Variants in UNC5D observed in about 807,000 individuals in gnomAD.
UNC5D encodes the protein unc-5 netrin receptor D, also known as netrin receptor UNC5D.
A neutral mutation model predicts 105.4 loss-of-function variants in UNC5D; 39 were observed. That is an observed-to-expected ratio of 0.37 (90% CI 0.29 to 0.48). UNC5D has a LOEUF of 0.48. Ranked by LOEUF, UNC5D falls within the 20% of genes least tolerant of loss-of-function variation. UNC5D has a pLI of 0.98. For missense variants in UNC5D, 991 were observed against 1,202.4 expected (o/e 0.82, Z 2.60); for synonymous variants, 452 against 450.4 (o/e 1.00, Z -0.04).
At chr8:35,544,829 C>T (rs1264683071) in intron 1 of UNC5D, among the ~76,000 whole-genome samples, 1 of 152,134 alleles carries the variant, frequency 6.6e-6, no homozygotes, top group East Asian at 1.9e-4. Context: ...TCTCAAACTC[C>T]TGACCTCAGG....
intron 1 of UNC5D, among the ~76,000 whole-genome samples, chr8:35,304,753 C>T (rs758715947): frequency 6.6e-6 from 1 of 152,118 alleles, no homozygotes; most frequent in Non-Finnish European, 1.5e-5. Flanking sequence ...TAATTGTTCT[C>T]TCTCTGAACT....
At chr8:35,782,616 G>T (rs1802555034) in intron 16 of UNC5D, among the ~76,000 whole-genome samples, 1 of 150,252 alleles carries the variant, frequency 6.7e-6, no homozygotes, top group Non-Finnish European at 1.5e-5. Flanking sequence ...CAATTCTCCT[G>T]CCTCAGCCTC....
At chr8:35,480,334 A>G (rs1209467802) in intron 1 of UNC5D, among the ~76,000 whole-genome samples, 3 of 152,172 alleles carry the variant, frequency 2.0e-5, no homozygotes, top group Non-Finnish European at 4.4e-5. Context: ...ACTAAACAAA[A>G]CAACCATGAT....
chr8:35,586,941 A>G (rs966907479), intron 3 of UNC5D, among the ~76,000 whole-genome samples: 1 of 152,226 alleles, frequency 6.6e-6, no homozygotes, highest in South Asian at 2.1e-4. Flanking sequence ...TGACTTTTCT[A>G]ACATAGTAGC....
chr8:35,300,323 C>G (rs1233631343), intron 1 of UNC5D, among the ~76,000 whole-genome samples: 1 of 151,718 alleles, frequency 6.6e-6, no homozygotes, highest in East Asian at 1.9e-4. Context: ...TGGCACGTGC[C>G]TGTAGTTCCA....
chr8:35,430,337 A>C (rs1386087527), intron 1 of UNC5D, among the ~76,000 whole-genome samples: 7 of 152,134 alleles, frequency 4.6e-5, no homozygotes. Flanking sequence ...CTGAGAGGGC[A>C]TGGAAACTCC....
intron 4 of UNC5D, among the ~76,000 whole-genome samples, chr8:35,619,053 T>C (rs1225043006): frequency 2.0e-5 from 3 of 152,218 alleles, no homozygotes; most frequent in African/African-American, 7.2e-5. Context: ...AAATGCTTTC[T>C]TTGCCTCGGA....
intron 16 of UNC5D, among the ~76,000 whole-genome samples, chr8:35,783,177 T>C (rs1011146524): frequency 6.6e-5 from 10 of 151,786 alleles, no homozygotes; most frequent in African/African-American, 2.2e-4. Context: ...CATATGTAAG[T>C]AATGTAAGTA....
At chr8:35,575,148 G>A (rs771763837) in intron 3 of UNC5D, among the ~76,000 whole-genome samples, 6 of 151,910 alleles carry the variant, frequency 3.9e-5, no homozygotes, top group South Asian at 2.1e-4. Context: ...AAAATACCCC[G>A]AATGATAGTT....
At chr8:35,490,848 G>A (rs1480631709) in intron 1 of UNC5D, among the ~76,000 whole-genome samples, 1 of 152,024 alleles carries the variant, frequency 6.6e-6, no homozygotes, top group Admixed American at 6.6e-5. Flanking sequence ...GACCTATCAG[G>A]AATAGTTTTT....
chr8:35,528,398 AG>A (rs1049412472), intron 1 of UNC5D, among the ~76,000 whole-genome samples: 38 of 151,020 alleles, frequency 2.5e-4, no homozygotes, highest in African/African-American at 9.3e-4. Context: ...ATGGCTGCAT[AG>A]TACTCTGTGG....
intron 1 of UNC5D, among the ~76,000 whole-genome samples, chr8:35,497,766 C>T (rs1811697962): frequency 6.6e-6 from 1 of 151,664 alleles, no homozygotes; most frequent in South Asian, 2.1e-4. Context: ...AAAAGGGTGT[C>T]CATTGAGATA....
chr8:35,713,185 C>G (rs1828060561), intron 8 of UNC5D, among the ~76,000 whole-genome samples: 1 of 152,086 alleles, frequency 6.6e-6, no homozygotes, highest in Non-Finnish European at 1.5e-5. Flanking sequence ...TTAAATACCT[C>G]AGACATAAGC....
At chr8:35,354,712 A>C (rs1801452081) in intron 1 of UNC5D, among the ~76,000 whole-genome samples, 1 of 151,896 alleles carries the variant, frequency 6.6e-6, no homozygotes, top group South Asian at 2.1e-4. Context: ...GCATTAAAAA[A>C]CTCAAAACCT....
intron 7 of UNC5D, among the ~76,000 whole-genome samples, chr8:35,694,797 C>T (rs1826643298): frequency 6.6e-6 from 1 of 152,000 alleles, no homozygotes; most frequent in Non-Finnish European, 1.5e-5. Flanking sequence ...CTTACTGCAG[C>T]CTCAAACTCC....
chr8:35,769,925 T>C (rs1200853257), intron 15 of UNC5D, among the ~76,000 whole-genome samples: 1 of 152,142 alleles, frequency 6.6e-6, no homozygotes, highest in Admixed American at 6.6e-5. Context: ...ATCACACCAC[T>C]GCACTCCAGC....
chr8:35,391,904 C>T (rs1803802959), intron 1 of UNC5D, among the ~76,000 whole-genome samples: 1 of 152,136 alleles, frequency 6.6e-6, no homozygotes, highest in African/African-American at 2.4e-5. Flanking sequence ...CAAACATTTT[C>T]TTTTTGCTTA....
At chr8:35,487,839 A>G (rs1313822779) in intron 1 of UNC5D, among the ~76,000 whole-genome samples, 1 of 152,202 alleles carries the variant, frequency 6.6e-6, no homozygotes, top group Non-Finnish European at 1.5e-5. Flanking sequence ...AATGAGGAAC[A>G]TCATAGTGGA....
In UNC5D at chr8:35,439,246, A is replaced by G. The variant is rs188649068; in HGVS notation, c.104-110046A>G. ...CTGTGTATGATGCCTGCATTCTGCA[A>G]GCTGATTCAGTGTGTGCCACTGTTA... On this transcript the variant is annotated intron_variant, in intron 1 of 16. Coordinates refer to ENST00000404895, the MANE Select transcript of UNC5D (RefSeq NM_080872.4). 8.0e-4 allele frequency among the ~76,000 whole-genome samples: 122 copies of G among 152,112 alleles called. 2 individuals are homozygous for G. The highest frequency in any genetic ancestry group is 1.3e-3 in the Non-Finnish European group (90 of 67,966).
Sources: allele counts gnomAD v4.1 joint callset (sites outside exome capture counted in the v4.1 genomes callset), GRCh38; gene constraint gnomAD v4.1.1; transcripts MANE v1.5; gene names NCBI Gene and HGNC (gene_info 2026-07-23, HGNC 2026-07-21).